Variants in MAF observed in about 807,000 individuals in gnomAD.
The protein encoded by MAF is MAF bZIP transcription factor.
MAF carries 10 observed loss-of-function variants against 22.0 expected under a neutral mutation model. The observed-to-expected ratio is 0.45, with a 90% CI of 0.28 to 0.77. The LOEUF (loss-of-function observed/expected upper bound fraction) is 0.77, where lower values mean the gene tolerates loss of function less well. Ranked by LOEUF, MAF falls within the 30% of genes least tolerant of loss-of-function variation. MAF has a pLI of 0.12. For missense variants in MAF, 544 were observed against 548.4 expected (o/e 0.99, Z 0.08); for synonymous variants, 337 against 255.8 (o/e 1.32, Z -3.03).
the MAF span, among the ~76,000 whole-genome samples, chr16:79,299,369 A>AAG: frequency 6.6e-6 from 1 of 152,032 alleles, no homozygotes; most frequent in African/African-American, 2.4e-5. Flanking sequence ...AAAAGAAAAA[A>AAG]AACAACCTTC....
chr16:79,476,388 A>T, the MAF span, among the ~76,000 whole-genome samples: 4 of 152,248 alleles, frequency 2.6e-5, no homozygotes, highest in Non-Finnish European at 1.5e-5. Flanking sequence ...TTTGCTACAC[A>T]GCAATAGGCA....
At chr16:79,242,366 CA>C in the MAF span, among the ~76,000 whole-genome samples, 22 of 97,078 alleles carry the variant, frequency 2.3e-4, no homozygotes, top group East Asian at 2.9e-4. Context: ...AAATGGGAAG[CA>C]AAAAAAAAAG....
the MAF span, among the ~76,000 whole-genome samples, chr16:79,413,575 A>G: frequency 1.3e-5 from 2 of 152,064 alleles, no homozygotes; most frequent in African/African-American, 4.8e-5. Flanking sequence ...TCTCTGAGCT[A>G]TATCTTTCTC....
chr16:79,570,152 C>A, the MAF span, among the ~76,000 whole-genome samples: 1 of 151,796 alleles, frequency 6.6e-6, no homozygotes, highest in Non-Finnish European at 1.5e-5. Flanking sequence ...GCTTTTCATG[C>A]TGTTGGACAT....
the MAF span, among the ~76,000 whole-genome samples, chr16:79,563,273 A>G: frequency 7.9e-4 from 121 of 152,344 alleles, no homozygotes; most frequent in African/African-American, 2.6e-3. Flanking sequence ...GCCGCTGCCC[A>G]TGTGTGGTTA....
the MAF span, among the ~76,000 whole-genome samples, chr16:79,360,489 T>C: frequency 6.6e-6 from 1 of 152,240 alleles, no homozygotes; most frequent in Non-Finnish European, 1.5e-5. Context: ...TTTTCTCATC[T>C]GTAACTTGCA....
the MAF span, among the ~76,000 whole-genome samples, chr16:79,405,577 C>G: frequency 2.0e-5 from 3 of 152,172 alleles, no homozygotes; most frequent in African/African-American, 7.2e-5. Flanking sequence ...CACCGTTTAT[C>G]CCTTCAATTC....
chr16:79,480,290 C>T, the MAF span, among the ~76,000 whole-genome samples: 2 of 152,004 alleles, frequency 1.3e-5, no homozygotes, highest in Non-Finnish European at 2.9e-5. Flanking sequence ...CCGGGTGAAA[C>T]TGGGCAGGCA....
chr16:79,417,514 C>A, the MAF span, among the ~76,000 whole-genome samples: 2 of 152,076 alleles, frequency 1.3e-5, no homozygotes, highest in Admixed American at 1.3e-4. Context: ...TATGGGCTGG[C>A]GGACTGGTGG....
chr16:79,434,132 C>T, the MAF span, among the ~76,000 whole-genome samples: 3 of 152,302 alleles, frequency 2.0e-5, no homozygotes, highest in African/African-American at 7.2e-5. Flanking sequence ...ACAGCCCATG[C>T]AACTGCACAC....
At chr16:79,238,204 C>T in the MAF span, among the ~76,000 whole-genome samples, 1 of 152,074 alleles carries the variant, frequency 6.6e-6, no homozygotes, top group Admixed American at 6.6e-5. Context: ...CAGAGCCCAG[C>T]ATCCCCACAA....
chr16:79,402,934 G>A, the MAF span, among the ~76,000 whole-genome samples: 3 of 152,148 alleles, frequency 2.0e-5, no homozygotes, highest in African/African-American at 7.2e-5. Flanking sequence ...CACATGTGGA[G>A]GTTGTGGAGC....
chr16:79,286,588 C>G, the MAF span, among the ~76,000 whole-genome samples: 1 of 151,836 alleles, frequency 6.6e-6, no homozygotes, highest in East Asian at 1.9e-4. Context: ...ACTTCTTTCA[C>G]TCACTTTTTT....
the MAF span, among the ~76,000 whole-genome samples, chr16:79,324,364 A>G: frequency 6.6e-6 from 1 of 152,300 alleles, no homozygotes; most frequent in Admixed American, 6.5e-5. Flanking sequence ...GATTGAAAAC[A>G]CAATATTTAC....
At chr16:79,223,827 G>T in the MAF span, among the ~76,000 whole-genome samples, 1 of 152,124 alleles carries the variant, frequency 6.6e-6, no homozygotes, top group East Asian at 1.9e-4. Flanking sequence ...TCAAATCCCT[G>T]AATAGACCAA....
At chr16:79,214,043 C>G in the MAF span, among the ~76,000 whole-genome samples, 20 of 152,296 alleles carry the variant, frequency 1.3e-4, 1 homozygote, top group Middle Eastern at 3.4e-3. Context: ...TTTGCTGTTT[C>G]CTCTGCTGAA....
chr16:79,324,352 T>C, the MAF span, among the ~76,000 whole-genome samples: 1 of 152,136 alleles, frequency 6.6e-6, no homozygotes, highest in Non-Finnish European at 1.5e-5. Flanking sequence ...CAACCAAATA[T>C]GGATTGAAAA....
the MAF span, among the ~76,000 whole-genome samples, chr16:79,512,107 C>G: frequency 2.1e-3 from 319 of 152,256 alleles, no homozygotes; most frequent in Non-Finnish European, 3.3e-3. Flanking sequence ...GTAGAGACAG[C>G]CTGCTTCATA....
At chr16:79,208,180 T>C in the MAF span, among the ~76,000 whole-genome samples, 6 of 152,228 alleles carry the variant, frequency 3.9e-5, no homozygotes, top group Non-Finnish European at 5.9e-5. Flanking sequence ...AGTTCTCCTC[T>C]GGCAGCTCAC....
Sources: gnomAD v4.1 joint callset for allele counts (sites outside exome capture counted in the v4.1 genomes callset) on GRCh38, gnomAD v4.1.1 for gene constraint, MANE v1.5 for transcripts, NCBI Gene and HGNC (gene_info 2026-07-23, HGNC 2026-07-21) for gene names.